The following FUOM variants were observed in gnomAD, a reference collection of about 807,000 sequenced individuals.
FUOM encodes protein fucU homolog.
In FUOM, 19 loss-of-function variants were observed where a neutral mutation model predicts 18.3. That is an observed-to-expected ratio of 1.04 (90% confidence interval 0.73 to 1.53). The LOEUF is 1.53. Among genes scored for constraint, FUOM ranks in the 40% most tolerant of loss-of-function variants. The pLI, the probability that FUOM is intolerant of heterozygous loss-of-function variation, is 0.00. For synonymous variants in FUOM, 102 were observed against 87.9 expected, an observed-to-expected ratio of 1.16 and a Z score of -0.90; for missense variants, 210 against 200.9, an observed-to-expected ratio of 1.04 and a Z score of -0.27.
In FUOM at chr10:133,355,445, G is replaced by A. The variant is rs773925502; in HGVS notation, c.399-9C>T. 3.7e-6 allele frequency: 6 copies of A among 1,609,910 alleles called. No homozygotes were observed. In the African/African-American group the frequency reaches 4.0e-5, roughly 11 times the overall value. ...CGTAGAGGGCCGTCTCCCTGCAGAG[G>A]AGCCAAGCCCAGCACTGAGCTGGGC... On this transcript the variant is annotated splice_polypyrimidine_tract_variant and intron_variant, in intron 5 of 5. Transcript: ENST00000278025.
chr10:133,355,843 C>A (rs750370009), intron 4 of FUOM, 32 bp from the exon 5 acceptor site: 6 of 1,587,248 alleles, frequency 3.8e-6, no homozygotes, highest in East Asian at 2.2e-5. Flanking sequence ...TTGGAGGGAA[C>A]CCTGCCAAGA....
Position 133,356,691 on chromosome 10 carries a change from C to T in FUOM, c.273G>A (p.Gln91=). 1 of 1,601,124 alleles carries T rather than the reference C, an allele frequency of 6.2e-7. No homozygotes were observed. The highest frequency in any genetic ancestry group is 1.3e-5 in the African/African-American group (1 of 74,758). ...LVPSDKERGL[Q]TPVWTEYESI... ...ACTCGTACTCCGTCCACACTGGGGTCTGCAGGCCCCTCTCCTTGTCGCTGG... is the reference window on the plus strand; with the variant it reads ...ACTCGTACTCCGTCCACACTGGGGTTTGCAGGCCCCTCTCCTTGTCGCTGG... Residue 91 remains glutamine (Q), a synonymous_variant, in exon 4 of 6, where the codon CAG becomes CAA. Coordinates refer to ENST00000278025, the MANE Select transcript of FUOM (RefSeq NM_001098483.3).
At chr10:133,355,539 C>T in intron 5 of FUOM, 103 bp from the exon 6 acceptor site, 1 of 1,609,338 alleles carries the variant, frequency 6.2e-7, no homozygotes, top group Non-Finnish European at 8.5e-7. Context: ...CCACCTTCAC[C>T]CACTTGATGC....
At chr10:133,354,848 C>T (rs1848737254), downstream of FUOM, among the ~76,000 whole-genome samples, 1 of 152,194 alleles carries the variant, frequency 6.6e-6, no homozygotes. Flanking sequence ...CCTCCCGAAG[C>T]GTCCAGGCCA....
At chr10:133,354,826 C>A (rs1168641387), downstream of FUOM, among the ~76,000 whole-genome samples, 1 of 152,220 alleles carries the variant, frequency 6.6e-6, no homozygotes, top group Admixed American at 6.5e-5. Flanking sequence ...GAGGCCTCTC[C>A]AGCCGACAGT....
Position 133,355,266 on chromosome 10 carries a change from G to T in FUOM, c.*104C>A, listed in dbSNP as rs1021152789. ...TGCCGGCCCCTAGAGCCCTGGCCAGGGCCCAGGTCTGGGAGCTGCCACTGG... is the reference window on the plus strand; with the variant it reads ...TGCCGGCCCCTAGAGCCCTGGCCAGTGCCCAGGTCTGGGAGCTGCCACTGG... On this transcript the variant is annotated 3_prime_UTR_variant, in exon 6 of 6. Coordinates refer to ENST00000278025, the MANE Select transcript of FUOM (RefSeq NM_001098483.3). 7.5e-7 allele frequency: 1 copy of T among 1,335,774 alleles called. No individual in the cohort carries two copies. Among genetic ancestry groups the T allele is most frequent in the East Asian group, 2.5e-5 (1 of 39,724 alleles). The allele number at this position is 1,335,774 out of a possible 1,614,324, so 82.7% of individuals were successfully genotyped here.
intron 3 of FUOM, 48 bp from the exon 4 acceptor site, chr10:133,356,786 T>C (rs1347163590): frequency 1.3e-6 from 2 of 1,486,938 alleles, no homozygotes; most frequent in South Asian, 2.6e-5. Context: ...CCAGCCTTCC[T>C]GGTCAGGTGA....
At chr10:133,356,391 G>A (rs1354446831) in intron 4 of FUOM, among the ~76,000 whole-genome samples, 1 of 152,226 alleles carries the variant, frequency 6.6e-6, no homozygotes. Flanking sequence ...AACCCACCTG[G>A]CAGGTCAGGA....
chr10:133,356,106 TC>T (rs1183101128), intron 4 of FUOM, among the ~76,000 whole-genome samples: 2 of 151,192 alleles, frequency 1.3e-5, no homozygotes, highest in Non-Finnish European at 3.0e-5. Flanking sequence ...CTGGGGGGAG[TC>T]CCCTGCCCAG....
At chr10:133,356,918 G>A in intron 3 of FUOM, 25 bp downstream of exon 3, 2 of 1,547,146 alleles carry the variant, frequency 1.3e-6, no homozygotes, top group Non-Finnish European at 1.7e-6. Context: ...GGAGCAGCAG[G>A]GTGCAGGGGC....
At chr10:133,357,825 C>T in intron 1 of FUOM, 98 bp downstream of exon 1, 1 of 989,966 alleles carries the variant, frequency 1.0e-6, no homozygotes, top group Non-Finnish European at 1.5e-6. Flanking sequence ...CGCCCACACC[C>T]CAGGACGCGG....
chr10:133,357,369 G>A, intron 1 of FUOM, 114 bp from the exon 2 acceptor site: 2 of 1,091,766 alleles, frequency 1.8e-6, no homozygotes, highest in Non-Finnish European at 2.7e-6. Context: ...GAGGTCTCAG[G>A]TCAGCCAGTT....
At position 133,356,637 on chromosome 10, in the gene FUOM, TA is replaced by T; in HGVS notation, c.324+2del. ...TTCCCCACAACTGGGGCTGCAGGCTTACCACACAGCCGGCCCTGCGTAGGAT... is the reference window on the plus strand; with the variant it reads ...TTCCCCACAACTGGGGCTGCAGGCTTCCACACAGCCGGCCCTGCGTAGGAT... On this transcript the variant is annotated splice_donor_variant, in intron 4 of 5. Transcript: ENST00000278025. LOFTEE classifies it high-confidence loss of function. 1 of 1,560,180 alleles carries T rather than the reference TA, an allele frequency of 6.4e-7. No homozygotes were observed. The highest frequency in any genetic ancestry group is 8.7e-7 in the Non-Finnish European group (1 of 1,149,808).
At chr10:133,356,035 C>G (rs1292981911) in intron 4 of FUOM, among the ~76,000 whole-genome samples, 1 of 152,214 alleles carries the variant, frequency 6.6e-6, no homozygotes. Context: ...ATGCTTGGGT[C>G]TCTGCCTGAC....
At chr10:133,357,156 C>T (rs201713716) in intron 2 of FUOM, 31 bp downstream of exon 2, 5 of 1,554,046 alleles carry the variant, frequency 3.2e-6, no homozygotes, top group Admixed American at 1.9e-5. Flanking sequence ...CACCCGCCCG[C>T]CCTGCCCTGG....
chr10:133,357,026 G>C lies in FUOM; in HGVS notation c.155-13C>G. ...GGGATGCCCAGGCCTGGAGGGCAGA[G>C]GAGGCAGCACTCAGTCTCCAGCCCG... On this transcript the variant is annotated splice_polypyrimidine_tract_variant and intron_variant, in intron 2 of 5. Coordinates refer to ENST00000278025, the MANE Select transcript of FUOM (RefSeq NM_001098483.3). 1 of 1,549,666 alleles carries C rather than the reference G, an allele frequency of 6.5e-7. No homozygotes were observed. The highest frequency in any genetic ancestry group is 8.7e-7 in the Non-Finnish European group (1 of 1,146,800).
intron 3 of FUOM, 58 bp from the exon 4 acceptor site, chr10:133,356,796 A>T: frequency 6.9e-7 from 1 of 1,456,022 alleles, no homozygotes; most frequent in Non-Finnish European, 9.3e-7. Context: ...TGGTCAGGTG[A>T]CCATTCGGGA....
At chr10:133,356,864 G>A in intron 3 of FUOM, 79 bp downstream of exon 3, 4 of 1,483,418 alleles carry the variant, frequency 2.7e-6, no homozygotes, top group Non-Finnish European at 1.8e-6. Context: ...CCACTCCAAG[G>A]CAGGTGGGCC....
At position 133,355,172 on chromosome 10, in the gene FUOM, C is replaced by T; in HGVS notation, c.*198G>A. On this transcript the variant is annotated 3_prime_UTR_variant, in exon 6 of 6. Transcript: ENST00000278025. The stretch of plus-strand genomic sequence containing the variant: ...CAGAGCTGGAATTGGACTCTTGAGA[C>T]TGAACGTTTTTCCATCATTTTCACA... 3.2e-6 allele frequency: 2 copies of T among 621,152 alleles called. No homozygotes were observed. Among genetic ancestry groups the T allele is most frequent in the Middle Eastern group, 4.4e-4 (1 of 2,282 alleles). The allele number at this position is 621,152 out of a possible 1,614,324, so 38.5% of individuals were successfully genotyped here.
Sources: allele counts gnomAD v4.1 joint callset (sites outside exome capture counted in the v4.1 genomes callset), GRCh38; gene constraint gnomAD v4.1.1; transcripts MANE v1.5; gene names NCBI Gene and HGNC (gene_info 2026-07-23, HGNC 2026-07-21).